Variants in SAMD3 observed in about 807,000 individuals in gnomAD.
SAMD3 encodes the protein sterile alpha motif domain containing 3, also known as sterile alpha motif domain-containing protein 3.
SAMD3 carries 63 observed loss-of-function variants against 58.5 expected under a neutral mutation model. The observed-to-expected ratio is 1.08, with a 90% CI of 0.88 to 1.33. SAMD3 has a LOEUF of 1.33. SAMD3 is among the 40% of genes most tolerant of loss of function. The probability of loss-of-function intolerance (pLI) is 0.00; values close to 1 mark genes in which losing one functional copy is unlikely to be tolerated. For missense variants in SAMD3, 604 were observed against 608.4 expected, an observed-to-expected ratio of 0.99 and a Z score of 0.08; for synonymous variants, 220 against 210.3, an observed-to-expected ratio of 1.05 and a Z score of -0.40.
chr6:130,299,814 CA>C (rs1304793820), intron 2 of SAMD3, among the ~76,000 whole-genome samples: 2 of 152,238 alleles, frequency 1.3e-5, no homozygotes, highest in East Asian at 3.9e-4. Flanking sequence ...AAAAGATCCT[CA>C]GAGACTACTA....
At chr6:130,191,377 G>C (rs532682717) in intron 5 of SAMD3, among the ~76,000 whole-genome samples, 1 of 152,250 alleles carries the variant, frequency 6.6e-6, no homozygotes, top group Non-Finnish European at 1.5e-5. Flanking sequence ...CCCAGGAAGA[G>C]GAAAATAACT....
upstream of SAMD3, among the ~76,000 whole-genome samples, chr6:130,224,371 G>C (rs1159486810): frequency 6.6e-6 from 1 of 151,922 alleles, no homozygotes; most frequent in South Asian, 2.1e-4. Flanking sequence ...AGGCCTGAGG[G>C]TGGAGCCCTA....
intron 2 of SAMD3, among the ~76,000 whole-genome samples, chr6:130,252,720 T>C (rs1257748777): frequency 6.6e-6 from 1 of 152,130 alleles, no homozygotes; most frequent in Non-Finnish European, 1.5e-5. Context: ...TGGAATTCCT[T>C]TGTGGCAACC....
intron 2 of SAMD3, among the ~76,000 whole-genome samples, chr6:130,253,624 A>G (rs922783869): frequency 6.6e-6 from 1 of 152,114 alleles, no homozygotes; most frequent in Non-Finnish European, 1.5e-5. Flanking sequence ...GATTTTAAAT[A>G]TGTGTTATAT....
intron 2 of SAMD3, among the ~76,000 whole-genome samples, chr6:130,235,700 C>T (rs17058579): frequency 0.084 from 12,756 of 152,170 alleles, 776 homozygotes; most frequent in East Asian, 0.29. Context: ...GTAATTGCTT[C>T]TCAGTATTCA....
intron 1 of SAMD3, among the ~76,000 whole-genome samples, chr6:130,344,609 T>C (rs1216462412): frequency 6.6e-6 from 1 of 152,024 alleles, no homozygotes; most frequent in African/African-American, 2.4e-5. Flanking sequence ...CTTGAAGTCC[T>C]GGCCTCAAGT....
At chr6:130,178,297 A>G (rs973692192) in intron 7 of SAMD3, among the ~76,000 whole-genome samples, 75 of 151,394 alleles carry the variant, frequency 5.0e-4, no homozygotes, top group African/African-American at 1.8e-3. Context: ...CTTCTTGAAG[A>G]CAGTGCCTTA....
chr6:130,174,347 CT>C (rs1791532164), intron 8 of SAMD3, among the ~76,000 whole-genome samples: 1 of 152,232 alleles, frequency 6.6e-6, no homozygotes, highest in Non-Finnish European at 1.5e-5. Context: ...ATTGCAAAAA[CT>C]GTGGGAAAAG....
At chr6:130,200,012 G>A (rs1207779246) in intron 5 of SAMD3, among the ~76,000 whole-genome samples, 1 of 152,074 alleles carries the variant, frequency 6.6e-6, no homozygotes, top group Non-Finnish European at 1.5e-5. Context: ...AAGATAGACA[G>A]ATGTCTCTCA....
At chr6:130,214,256 C>A in intron 4 of SAMD3, 81 bp downstream of exon 4, 1 of 1,205,018 alleles carries the variant, frequency 8.3e-7, no homozygotes, top group South Asian at 2.1e-5. Context: ...TTTCCAAGGG[C>A]TTTAAACCCA....
At chr6:130,312,979 CT>C (rs1425719424) in exon 2 of SAMD3, 1 of 152,304 alleles carries the variant, frequency 6.6e-6, no homozygotes, top group Non-Finnish European at 1.5e-5. Context: ...CACACTCACC[CT>C]GAGGATCACC....
At chr6:130,179,785 G>T (rs1792098462) in intron 7 of SAMD3, among the ~76,000 whole-genome samples, 1 of 150,156 alleles carries the variant, frequency 6.7e-6, no homozygotes, top group African/African-American at 2.5e-5. Flanking sequence ...ATGGTATTGT[G>T]GTTATATAAG....
intron 2 of SAMD3, among the ~76,000 whole-genome samples, chr6:130,244,754 TAA>T (rs1562478032): frequency 6.3e-5 from 9 of 143,428 alleles, no homozygotes; most frequent in African/African-American, 2.5e-4. Flanking sequence ...AAAATAAAAA[TAA>T]AAATAAAAAT....
intron 2 of SAMD3, among the ~76,000 whole-genome samples, chr6:130,279,026 C>T (rs892252764): frequency 6.6e-6 from 1 of 152,192 alleles, no homozygotes; most frequent in Non-Finnish European, 1.5e-5. Flanking sequence ...ATTTAATTCT[C>T]AGCTCCACTA....
intron 2 of SAMD3, among the ~76,000 whole-genome samples, chr6:130,273,039 T>C (rs1261972979): frequency 6.7e-6 from 1 of 150,262 alleles, no homozygotes; most frequent in African/African-American, 2.5e-5. Context: ...TCTTTATTGA[T>C]TTTTTTATGT....
intron 7 of SAMD3, chr6:130,183,049 C>T (rs999646545): frequency 5.9e-5 from 16 of 273,028 alleles, no homozygotes; most frequent in South Asian, 3.8e-4. Context: ...ATTATATTCA[C>T]ATTGTTGTGC....
At chr6:130,248,664 A>G (rs1278034109) in intron 2 of SAMD3, among the ~76,000 whole-genome samples, 4 of 152,208 alleles carry the variant, frequency 2.6e-5, no homozygotes, top group Non-Finnish European at 5.9e-5. Flanking sequence ...CGCTCCAAGC[A>G]TGGCAGTATC....
At chr6:130,289,982 A>T (rs1775310005) in intron 2 of SAMD3, among the ~76,000 whole-genome samples, 1 of 152,186 alleles carries the variant, frequency 6.6e-6, no homozygotes, top group South Asian at 2.1e-4. Flanking sequence ...TGATTTGGAT[A>T]ATCTGCCTTC....
intron 2 of SAMD3, among the ~76,000 whole-genome samples, chr6:130,300,178 C>T (rs1454930100): frequency 6.6e-6 from 1 of 152,152 alleles, no homozygotes; most frequent in African/African-American, 2.4e-5. Flanking sequence ...AAGCCAATAT[C>T]CTTGATAAAC....
Sources: gnomAD v4.1 joint callset for allele counts (sites outside exome capture counted in the v4.1 genomes callset) on GRCh38, gnomAD v4.1.1 for gene constraint, MANE v1.5 for transcripts, NCBI Gene and HGNC (gene_info 2026-07-23, HGNC 2026-07-21) for gene names.